CELA1: variants seen among roughly 807,000 people sequenced by gnomAD.
CELA1 encodes chymotrypsin-like elastase family member 1.
In CELA1, 28 loss-of-function variants were observed where a neutral mutation model predicts 34.8. The observed-to-expected ratio is 0.80, with a 90% CI of 0.60 to 1.10. The LOEUF is 1.10. CELA1 is among the 50% of genes least tolerant of loss of function. The probability of loss-of-function intolerance (pLI) is 0.00; values close to 1 mark genes in which losing one functional copy is unlikely to be tolerated. For synonymous variants in CELA1, 140 were observed against 129.8 expected, an observed-to-expected ratio of 1.08 and a Z score of -0.53; for missense variants, 288 against 327.5, an observed-to-expected ratio of 0.88 and a Z score of 0.93.
At chr12:51,345,188 C>T (rs1946559037) in intron 2 of CELA1, among the ~76,000 whole-genome samples, 1 of 152,100 alleles carries the variant, frequency 6.6e-6, no homozygotes, top group South Asian at 2.1e-4. Flanking sequence ...CTTCTAGCAC[C>T]TCATGTTATG....
intron 6 of CELA1, among the ~76,000 whole-genome samples, chr12:51,333,091 C>T (rs1019899945): frequency 1.6e-5 from 2 of 128,430 alleles, no homozygotes; most frequent in Admixed American, 1.6e-4. Context: ...CCCCACTCCC[C>T]GTTAATTTTT....
intron 6 of CELA1, among the ~76,000 whole-genome samples, chr12:51,333,405 GTTTTTTTTTT>G (rs35636954): frequency 7.3e-6 from 1 of 137,902 alleles, no homozygotes; most frequent in Non-Finnish European, 1.5e-5. Context: ...TTTTTTTTTT[GTTTTTTTTTT>G]TTTAAGACAG....
chr12:51,332,010 C>T (rs951178391), intron 6 of CELA1, among the ~76,000 whole-genome samples: 7 of 151,808 alleles, frequency 4.6e-5, no homozygotes, highest in African/African-American at 1.5e-4. Flanking sequence ...AACCGAGACC[C>T]CCATCTCTAT....
At chr12:51,342,534 C>T in intron 4 of CELA1, 41 bp downstream of exon 4, 2 of 1,613,476 alleles carry the variant, frequency 1.2e-6, no homozygotes, top group South Asian at 1.1e-5. Flanking sequence ...GCTAGTCAGG[C>T]CTCACCGCCC....
At chr12:51,341,427 T>A in intron 4 of CELA1, 47 bp from the exon 5 acceptor site, 1 of 1,610,004 alleles carries the variant, frequency 6.2e-7, no homozygotes, top group Non-Finnish European at 8.5e-7. Context: ...AGCTCTTCCC[T>A]GAGGTCAGCA....
chr12:51,337,346 G>C (rs1455445333), intron 6 of CELA1, among the ~76,000 whole-genome samples: 1 of 152,052 alleles, frequency 6.6e-6, no homozygotes, highest in Non-Finnish European at 1.5e-5. Flanking sequence ...ACCAGCCTGG[G>C]CATCATAGTG....
rs17860362 is a variant in CELA1 at position 51,329,890 on chromosome 12, C to T, written c.610-57G>A. 3 of 1,485,714 alleles carry T rather than the reference C, an allele frequency of 2.0e-6. No homozygotes were observed. The East Asian group carries it at 7.1e-5, about 35-fold the overall frequency. The allele number at this position is 1,485,714 out of a possible 1,614,324, so 92.0% of individuals were successfully genotyped here. A position where few individuals can be genotyped will look rare whatever the true frequency, so the allele number is the denominator to read the frequency against. ...CCAGATCTTCGGGCTTTTGCTTGCA[C>T]TCCCCCCGCCCCCGTCTCTGGTTGT... On this transcript the variant is annotated intron_variant, in intron 6 of 7. Transcript: ENST00000293636.
intron 1 of CELA1, 86 bp from the exon 2 acceptor site, chr12:51,345,963 G>C: frequency 1.1e-6 from 1 of 910,374 alleles, no homozygotes; most frequent in Non-Finnish European, 1.7e-6. Context: ...GTGCTTTGAG[G>C]AATGTTAGCC....
chr12:51,343,309 T>C (rs1041616974), intron 3 of CELA1, among the ~76,000 whole-genome samples: 1 of 152,184 alleles, frequency 6.6e-6, no homozygotes, highest in African/African-American at 2.4e-5. Context: ...CCTACCAAAT[T>C]AGAAACTCTG....
At chr12:51,342,430 T>A (rs1397763897) in intron 4 of CELA1, 145 bp downstream of exon 4, 1 of 1,168,542 alleles carries the variant, frequency 8.6e-7, no homozygotes, top group Non-Finnish European at 1.2e-6. Context: ...CTGGGCTCCT[T>A]AACTAAAGGC....
At chr12:51,338,297 CGCATACAT>C (rs1387880245) in intron 6 of CELA1, among the ~76,000 whole-genome samples, 6 of 35,788 alleles carry the variant, frequency 1.7e-4, no homozygotes, top group Admixed American at 5.2e-4. Context: ...CATACACATA[CGCATACAT>C]ATATATATAT....
chr12:51,338,996 A>C (rs1409682898), intron 6 of CELA1, among the ~76,000 whole-genome samples: 2 of 152,216 alleles, frequency 1.3e-5, no homozygotes, highest in African/African-American at 4.8e-5. Flanking sequence ...AATCTGTAAG[A>C]TAGTTTATGG....
intron 6 of CELA1, among the ~76,000 whole-genome samples, chr12:51,334,419 AC>A (rs1946489429): frequency 6.6e-6 from 1 of 152,130 alleles, no homozygotes; most frequent in African/African-American, 2.4e-5. Context: ...ACTCATACAC[AC>A]AAAAAACTTT....
chr12:51,338,255 TACACACACACACAC>T (rs758082342), intron 6 of CELA1, among the ~76,000 whole-genome samples: 2 of 116,854 alleles, frequency 1.7e-5, no homozygotes, highest in African/African-American at 6.5e-5. Context: ...AAAAAAAACA[TACACACACACACAC>T]ACACACACAC....
At position 51,341,361 on chromosome 12, in the gene CELA1, G is replaced by A. The variant is rs150944992; in HGVS notation, c.346C>T (p.Arg116Cys). 7 of 1,614,146 alleles carry A rather than the reference G, an allele frequency of 4.3e-6. No individual in the cohort carries two copies. The highest frequency in any genetic ancestry group is 1.3e-5 in the African/African-American group (1 of 75,046). ...VAAGYDIALL[R>C]LAQSVTLNSY... The stretch of plus-strand genomic sequence containing the variant: ...TTGAGGGTAACGCTCTGGGCCAGGC[G>A]CAGCAGGGCGATGTCATAGCTGCAG... The change falls in exon 5 of 8, where the codon CGC (arginine) becomes TGC (cysteine). Residue 116 changes from arginine (R) to cysteine (C), a missense_variant. Coordinates refer to ENST00000293636, the MANE Select transcript of CELA1 (RefSeq NM_001971.6).
At chr12:51,330,777 T>C (rs1227943850) in intron 6 of CELA1, among the ~76,000 whole-genome samples, 1 of 150,240 alleles carries the variant, frequency 6.7e-6, no homozygotes, top group East Asian at 2.0e-4. Context: ...GAGACCATCC[T>C]GGCTAACACG....
At chr12:51,342,502 A>C in intron 4 of CELA1, 73 bp downstream of exon 4, 1 of 1,604,494 alleles carries the variant, frequency 6.2e-7, no homozygotes, top group East Asian at 2.2e-5. Context: ...CTGAAAGAAC[A>C]GGTGAAGGCA....
chr12:51,334,168 T>C (rs1035137735), intron 6 of CELA1, among the ~76,000 whole-genome samples: 1 of 152,196 alleles, frequency 6.6e-6, no homozygotes, highest in African/African-American at 2.4e-5. Context: ...ACTCGTTTTT[T>C]TAGAGCTCAG....
intron 5 of CELA1, among the ~76,000 whole-genome samples, chr12:51,340,923 C>G (rs948043992): frequency 6.6e-6 from 1 of 152,140 alleles, no homozygotes; most frequent in African/African-American, 2.4e-5. Context: ...GGGAGGATCA[C>G]TTGAGCCCAG....
Sources: allele counts gnomAD v4.1 joint callset (sites outside exome capture counted in the v4.1 genomes callset), GRCh38; gene constraint gnomAD v4.1.1; transcripts MANE v1.5; gene names NCBI Gene and HGNC (gene_info 2026-07-23, HGNC 2026-07-21).